Variants in ZNF385D observed in about 807,000 individuals in gnomAD.
ZNF385D encodes zinc finger protein 659.
A neutral mutation model predicts 35.8 loss-of-function variants in ZNF385D; 15 were observed. That is an observed-to-expected ratio of 0.42 (90% CI 0.28 to 0.64). ZNF385D has a LOEUF of 0.64. ZNF385D is among the 30% of genes least tolerant of loss of function. The pLI is 0.23. For synonymous variants in ZNF385D, 212 were observed against 186.8 expected, an observed-to-expected ratio of 1.13 and a Z score of -1.10; for missense variants, 474 against 494.6, an observed-to-expected ratio of 0.96 and a Z score of 0.39.
At chr3:21,764,113 T>C (rs917672549) in intron 3 of ZNF385D, among the ~76,000 whole-genome samples, 21 of 152,142 alleles carry the variant, frequency 1.4e-4, no homozygotes, top group Admixed American at 5.9e-4. Context: ...TGACGTCTAA[T>C]ATAAAGAACG....
At chr3:21,979,655 G>C (rs1297976694) in intron 3 of ZNF385D, 4 of 152,110 alleles carry the variant, frequency 2.6e-5, no homozygotes, top group Admixed American at 2.0e-4. Context: ...AAATAATAAA[G>C]ACGACTACTT....
intron 2 of ZNF385D, among the ~76,000 whole-genome samples, chr3:22,326,406 C>T (rs1457875189): frequency 6.6e-6 from 1 of 152,132 alleles, no homozygotes; most frequent in African/African-American, 2.4e-5. Context: ...GAGTGTGAGC[C>T]AGGGGTCTAG....
rs188047242 is a variant in ZNF385D, at chr3:21,524,157, C to T, written c.277-13134G>A. 4.6e-5 allele frequency among the ~76,000 whole-genome samples: 7 copies of T among 152,184 alleles called. No individual in the cohort carries two copies. In the East Asian group the frequency reaches 1.2e-3, roughly 25 times the overall value. ...GAAGAGCATGAGTTGGGTTAGGATA[C>T]GTTGAGTTTAATGATCCTTAAAAAC... is the stretch of plus-strand genomic sequence containing the variant. On this transcript the variant is annotated intron_variant, in intron 3 of 7. Coordinates refer to ENST00000281523, the MANE Select transcript of ZNF385D (RefSeq NM_024697.3).
chr3:22,360,895 A>C (rs1696380294), intron 2 of ZNF385D, among the ~76,000 whole-genome samples: 1 of 151,996 alleles, frequency 6.6e-6, no homozygotes, highest in African/African-American at 2.4e-5. Flanking sequence ...TGTTTCTTTC[A>C]GGTTATACAA....
At chr3:21,690,991 T>C (rs904774621) in intron 1 of ZNF385D, among the ~76,000 whole-genome samples, 2 of 152,146 alleles carry the variant, frequency 1.3e-5, no homozygotes, top group African/African-American at 2.4e-5. Flanking sequence ...ACTACCTTTT[T>C]CCCTCATTAA....
At position 21,685,678 on chromosome 3, in the gene ZNF385D, C is replaced by CA. The variant is rs527383793; in HGVS notation, c.23-20651dup. Among the ~76,000 whole-genome samples, 5 of 152,256 alleles carry CA rather than the reference C, an allele frequency of 3.3e-5. No homozygotes were observed. In the East Asian group the frequency reaches 5.8e-4, roughly 18 times the overall value. The stretch of plus-strand genomic sequence containing the variant: ...CTGAATAGCATGGCTCATAAAAAGA[C>CA]AAAGTACAAACCCATTAGAAAATAA... On this transcript the variant is annotated intron_variant, in intron 1 of 7. Coordinates refer to ENST00000281523, the MANE Select transcript of ZNF385D (RefSeq NM_024697.3).
intron 2 of ZNF385D, among the ~76,000 whole-genome samples, chr3:22,196,717 C>A: frequency 6.6e-6 from 1 of 152,096 alleles, no homozygotes; most frequent in South Asian, 2.1e-4. Context: ...TCATTTATTA[C>A]AATTCTACAT....
chr3:22,237,996 G>A (rs181786385), intron 2 of ZNF385D, among the ~76,000 whole-genome samples: 8 of 150,946 alleles, frequency 5.3e-5, no homozygotes, highest in Non-Finnish European at 1.2e-4. Context: ...TCTGAGGTAG[G>A]GGTCCAACTT....
At chr3:21,752,681 T>A (rs2070157744), upstream of ZNF385D, among the ~76,000 whole-genome samples, 1 of 152,208 alleles carries the variant, frequency 6.6e-6, no homozygotes, top group Non-Finnish European at 1.5e-5. Context: ...AAGATAAATC[T>A]AGGGCTGTTC....
In ZNF385D at chr3:21,722,031, C is replaced by T. The variant is rs535560535; in HGVS notation, c.22+28864G>A. Among the ~76,000 whole-genome samples, 8 of 146,028 alleles carry T rather than the reference C, an allele frequency of 5.5e-5. No individual in the cohort carries two copies. The South Asian group carries it at 6.6e-4, about 12-fold the overall frequency. Reference sequence around the variant, plus strand: ...AGGAGAATCACTTGAACCCGGGAGGCGGAGGCTGCAGTGAGCCAAGATCGT... The same window carrying T: ...AGGAGAATCACTTGAACCCGGGAGGTGGAGGCTGCAGTGAGCCAAGATCGT... On this transcript the variant is annotated intron_variant, in intron 1 of 7. Transcript: ENST00000281523.
At chr3:21,622,142 A>G (rs1040331834) in intron 2 of ZNF385D, among the ~76,000 whole-genome samples, 26 of 152,248 alleles carry the variant, frequency 1.7e-4, no homozygotes, top group Middle Eastern at 3.4e-3. Flanking sequence ...TGATGCCATA[A>G]AATCTCCCTT....
At chr3:21,919,231 A>G (rs1700337748) in intron 3 of ZNF385D, among the ~76,000 whole-genome samples, 1 of 152,234 alleles carries the variant, frequency 6.6e-6, no homozygotes, top group African/African-American at 2.4e-5. Flanking sequence ...ATGGTCAACC[A>G]TATATCAGGA....
chr3:21,498,003 C>T (rs559515668), intron 4 of ZNF385D, among the ~76,000 whole-genome samples: 21 of 152,166 alleles, frequency 1.4e-4, no homozygotes, highest in African/African-American at 5.1e-4. Context: ...CAGCAAGGTA[C>T]TGGTACAAAA....
chr3:21,427,883 C>A (rs1467928015), intron 5 of ZNF385D, among the ~76,000 whole-genome samples: 4 of 151,000 alleles, frequency 2.6e-5, no homozygotes, highest in African/African-American at 9.7e-5. Flanking sequence ...CACACACATG[C>A]ACATGCACAC....
chr3:21,444,386 TG>T (rs1280476593), intron 4 of ZNF385D, among the ~76,000 whole-genome samples: 4 of 48,566 alleles, frequency 8.2e-5, no homozygotes, highest in African/African-American at 3.6e-4. Context: ...GGCCTTTTTT[TG>T]TTTTTTTTTT....
intron 3 of ZNF385D, among the ~76,000 whole-genome samples, chr3:21,807,064 G>A (rs575764578): frequency 1.3e-5 from 2 of 152,296 alleles, no homozygotes; most frequent in Admixed American, 6.5e-5. Flanking sequence ...GAGAAAGAAG[G>A]AGGAAATGAA....
intron 2 of ZNF385D, among the ~76,000 whole-genome samples, chr3:21,606,916 C>T (rs1043235087): frequency 6.6e-6 from 1 of 152,206 alleles, no homozygotes; most frequent in Non-Finnish European, 1.5e-5. Context: ...GAAGTTCTTA[C>T]ATCTGCTTCT....
intron 3 of ZNF385D, among the ~76,000 whole-genome samples, chr3:21,827,214 C>T (rs1575730767): frequency 6.6e-6 from 1 of 152,106 alleles, no homozygotes. Context: ...GTCACACCTC[C>T]CTCAGGAATT....
At chr3:21,815,831 G>A (rs1031352123) in intron 3 of ZNF385D, among the ~76,000 whole-genome samples, 1 of 152,092 alleles carries the variant, frequency 6.6e-6, no homozygotes, top group African/African-American at 2.4e-5. Flanking sequence ...CTCATTTTAT[G>A]AGGCCAGCAT....
Sources: gnomAD v4.1 joint callset for allele counts (sites outside exome capture counted in the v4.1 genomes callset) on GRCh38, gnomAD v4.1.1 for gene constraint, MANE v1.5 for transcripts, NCBI Gene and HGNC (gene_info 2026-07-23, HGNC 2026-07-21) for gene names.